Variants in ANKRD30B observed in about 807,000 individuals in gnomAD.
ANKRD30B encodes the protein ankyrin repeat domain 30B.
A neutral mutation model predicts 202.2 loss-of-function variants in ANKRD30B; 144 were observed. The observed-to-expected ratio is 0.71, with a 90% confidence interval of 0.62 to 0.82. The LOEUF is 0.82. Among genes scored for constraint, ANKRD30B ranks in the 40% least tolerant of loss-of-function variants. The probability of loss-of-function intolerance (pLI) is 0.00; values close to 1 mark genes in which losing one functional copy is unlikely to be tolerated. For missense variants in ANKRD30B, 1,487 were observed against 1,669.1 expected (o/e 0.89, Z 1.90); for synonymous variants, 508 against 561.3 (o/e 0.91, Z 1.34).
intron 16 of ANKRD30B, among the ~76,000 whole-genome samples, chr18:14,792,419 C>G: frequency 6.6e-6 from 1 of 151,940 alleles, no homozygotes; most frequent in African/African-American, 2.4e-5. Context: ...GAAGATACTA[C>G]TGCTAAACAA....
intron 16 of ANKRD30B, among the ~76,000 whole-genome samples, chr18:14,792,345 T>A (rs1968575300): frequency 1.3e-5 from 2 of 152,116 alleles, no homozygotes; most frequent in Admixed American, 6.6e-5. Flanking sequence ...GGTGCTCCTA[T>A]TTTTGAGTAT....
At chr18:14,766,339 G>A (rs1266461836) in intron 7 of ANKRD30B, among the ~76,000 whole-genome samples, 3 of 151,700 alleles carry the variant, frequency 2.0e-5, no homozygotes, top group African/African-American at 7.3e-5. Context: ...TGGGCGTGGT[G>A]GTAGGTGCCT....
intron 8 of ANKRD30B, among the ~76,000 whole-genome samples, chr18:14,769,830 A>G (rs1040127948): frequency 3.3e-5 from 5 of 152,206 alleles, no homozygotes; most frequent in African/African-American, 7.2e-5. Flanking sequence ...TAACATGTTT[A>G]ACTGTTAAAG....
chr18:14,895,734 T>A, the ANKRD30B span, among the ~76,000 whole-genome samples: 1 of 152,356 alleles, frequency 6.6e-6, no homozygotes, highest in South Asian at 2.1e-4. Flanking sequence ...AAGGGGAACC[T>A]TAAGTACATA....
intron 34 of ANKRD30B, 47 bp from the exon 35 acceptor site, chr18:14,837,164 C>A: frequency 7.9e-7 from 1 of 1,268,452 alleles, no homozygotes; most frequent in Non-Finnish European, 1.1e-6. Flanking sequence ...CAATTTTTTT[C>A]TGAAGTTTTT....
intron 30 of ANKRD30B, among the ~76,000 whole-genome samples, chr18:14,818,610 T>G (rs1163270474): frequency 6.7e-6 from 1 of 149,294 alleles, no homozygotes; most frequent in Non-Finnish European, 1.5e-5. Flanking sequence ...GAATATGCGG[T>G]GTTTGGTTTC....
chr18:14,818,527 A>G (rs1970239499), intron 30 of ANKRD30B, among the ~76,000 whole-genome samples: 1 of 86,034 alleles, frequency 1.2e-5, no homozygotes, highest in Non-Finnish European at 2.4e-5. Context: ...CCACCCTACA[A>G]CAGTCCCCAG....
At chr18:14,779,910 T>C (rs769424301) in intron 10 of ANKRD30B, 50 bp from the exon 11 acceptor site, 1 of 1,310,642 alleles carries the variant, frequency 7.6e-7, no homozygotes, top group Non-Finnish European at 1.1e-6. Context: ...GTTTTTAAAA[T>C]TTATAATAAG....
the ANKRD30B span, among the ~76,000 whole-genome samples, chr18:14,926,923 T>TTG: frequency 0.017 from 2,495 of 147,740 alleles, 36 homozygotes; most frequent in African/African-American, 0.048. Context: ...TGAGCAAGGG[T>TTG]TGTGTGTGTG....
the ANKRD30B span, among the ~76,000 whole-genome samples, chr18:14,867,891 A>G: frequency 2.6e-5 from 4 of 152,202 alleles, no homozygotes; most frequent in Admixed American, 2.0e-4. Flanking sequence ...CACTTTCTGC[A>G]TCCTGTTGTA....
chr18:14,771,104 G>C (rs1489438647), intron 8 of ANKRD30B, among the ~76,000 whole-genome samples: 1 of 152,206 alleles, frequency 6.6e-6, no homozygotes, highest in Admixed American at 6.5e-5. Flanking sequence ...TATGCTGGAG[G>C]TGAATGACTG....
chr18:14,933,659 C>T, the ANKRD30B span, among the ~76,000 whole-genome samples: 8 of 152,066 alleles, frequency 5.3e-5, no homozygotes, highest in Admixed American at 3.3e-4. Context: ...GGGAGATATG[C>T]GTGCAAGCGG....
At chr18:14,772,934 A>G (rs1371356372) in intron 9 of ANKRD30B, among the ~76,000 whole-genome samples, 5 of 152,146 alleles carry the variant, frequency 3.3e-5, no homozygotes, top group Non-Finnish European at 7.3e-5. Context: ...GTGGGCACAT[A>G]GCGAGACCTT....
chr18:14,871,079 A>C, the ANKRD30B span, among the ~76,000 whole-genome samples: 1 of 12,948 alleles, frequency 7.7e-5, no homozygotes, highest in Non-Finnish European at 1.5e-4. Context: ...CCACCCACAG[A>C]CCCCCACCCT....
chr18:14,823,450 A>G (rs1489642165), intron 32 of ANKRD30B, among the ~76,000 whole-genome samples: 1 of 151,746 alleles, frequency 6.6e-6, no homozygotes, highest in Non-Finnish European at 1.5e-5. Context: ...CTGAGAATCT[A>G]AAGAAAATCG....
the ANKRD30B span, among the ~76,000 whole-genome samples, chr18:14,863,299 A>C: frequency 6.6e-6 from 1 of 152,180 alleles, no homozygotes; most frequent in Middle Eastern, 3.2e-3. Flanking sequence ...TGGACTCTTC[A>C]TAATTTGCTT....
chr18:14,767,882 T>C (rs1450999879), intron 7 of ANKRD30B, among the ~76,000 whole-genome samples: 1 of 152,248 alleles, frequency 6.6e-6, no homozygotes, highest in African/African-American at 2.4e-5. Context: ...CATGAATAAC[T>C]GAAATCACAG....
intron 15 of ANKRD30B, 145 bp from the exon 16 acceptor site, chr18:14,791,256 T>C: frequency 1.6e-6 from 1 of 615,644 alleles, no homozygotes; most frequent in Non-Finnish European, 2.8e-6. Context: ...AATGTTTTGA[T>C]TTTCTATACG....
intron 24 of ANKRD30B, among the ~76,000 whole-genome samples, chr18:14,806,214 C>A (rs865984164): frequency 8.5e-6 from 1 of 117,638 alleles, no homozygotes; most frequent in African/African-American, 3.3e-5. Flanking sequence ...GGCGAGACAC[C>A]GCCAAAAAAA....
Sources: allele counts gnomAD v4.1 joint callset (sites outside exome capture counted in the v4.1 genomes callset), GRCh38; gene constraint gnomAD v4.1.1; transcripts MANE v1.5; gene names NCBI Gene and HGNC (gene_info 2026-07-23, HGNC 2026-07-21).